The following DYNLT5 variants were observed in gnomAD, a reference collection of about 807,000 sequenced individuals.
DYNLT5 encodes dynein light chain Tctex-type family member 5.
DYNLT5 carries 25 observed loss-of-function variants against 19.3 expected under a neutral mutation model. The observed-to-expected ratio is 1.30, with a 90% CI of 0.95 to 1.81. DYNLT5 has a LOEUF of 1.81. DYNLT5 is among the 40% of genes most tolerant of loss of function. The pLI is 0.00. For synonymous variants in DYNLT5, 82 were observed against 68.9 expected (o/e 1.19, Z -0.94); for missense variants, 232 against 217.9 (o/e 1.06, Z -0.41).
At chr1:66,773,672 T>A (rs192581497) in intron 3 of DYNLT5, among the ~76,000 whole-genome samples, 5 of 152,308 alleles carry the variant, frequency 3.3e-5, no homozygotes, top group Non-Finnish European at 7.3e-5. Flanking sequence ...TAGTAATTAT[T>A]ATTATTACCC....
rs751356899 is a variant in DYNLT5, at chr1:66,777,339, T to C, written c.425T>C (p.Ile142Thr). 1 of 1,613,978 alleles carries C rather than the reference T, an allele frequency of 6.2e-7. No individual in the cohort carries two copies. Among genetic ancestry groups the C allele is most frequent in the Admixed American group, 1.7e-5 (1 of 60,010 alleles). The stretch of plus-strand genomic sequence containing the variant: ...ATTGGACAACTGAACAGGCAGAGCA[T>C]ACTTATTGGAAGCAGATGCCTCTGG... The part of the protein sequence containing the change: ...VHIGQLNRQS[I>T]LIGSRCLWDP... The change falls in exon 5 of 5, where the codon ATA becomes ACA. Residue 142 changes from isoleucine (I) to threonine (T), a missense_variant. Coordinates refer to ENST00000282670, the MANE Select transcript of DYNLT5 (RefSeq NM_152665.3).
intron 2 of DYNLT5, among the ~76,000 whole-genome samples, chr1:66,765,375 T>C (rs898098456): frequency 6.6e-6 from 1 of 152,192 alleles, no homozygotes; most frequent in Non-Finnish European, 1.5e-5. Context: ...TATTATCTCT[T>C]CCTGCAGCTT....
chr1:66,776,352 A>G lies in DYNLT5; in HGVS notation c.285A>G (p.Val95=), dbSNP rs1332225513. Residue 95 remains valine (V), a synonymous_variant, in exon 4 of 5, where the codon GTA becomes GTG. Coordinates refer to ENST00000282670, the MANE Select transcript of DYNLT5 (RefSeq NM_152665.3). Reference sequence around the variant, plus strand: ...ATGTAGTAACCAGCTATCTACAAGTAGAAGAATATGAACCAGAGCTCTGTA... The same window carrying G: ...ATGTAGTAACCAGCTATCTACAAGTGGAAGAATATGAACCAGAGCTCTGTA... The part of the protein sequence containing the change: ...LKDVVTSYLQ[V]EEYEPELCRQ... 5 of 1,613,518 alleles carry G rather than the reference A, an allele frequency of 3.1e-6. No homozygotes were observed. Among genetic ancestry groups the G allele is most frequent in the Admixed American group, 3.3e-5 (2 of 59,914 alleles).
In DYNLT5 at chr1:66,752,462, G is replaced by A. The variant is rs2150855200; in HGVS notation, c.-126G>A. 1 of 985,442 alleles carries A rather than the reference G, an allele frequency of 1.0e-6. No homozygotes were observed. The allele number at this position is 985,442 out of a possible 1,614,324, so 61.0% of individuals were successfully genotyped here. On this transcript the variant is annotated 5_prime_UTR_variant, in exon 1 of 5. Transcript: ENST00000282670. ...GGTCACCCTGGAGACCGGCCTCAGAGTCCAGGGAGAGTGCGCGGGCGGCCG... is the reference window on the plus strand; with the variant it reads ...GGTCACCCTGGAGACCGGCCTCAGAATCCAGGGAGAGTGCGCGGGCGGCCG...
At chr1:66,766,349 C>A (rs1572548111) in intron 2 of DYNLT5, among the ~76,000 whole-genome samples, 1 of 151,978 alleles carries the variant, frequency 6.6e-6, no homozygotes, top group Non-Finnish European at 1.5e-5. Flanking sequence ...GATATATACC[C>A]CAAAAATGTA....
intron 2 of DYNLT5, among the ~76,000 whole-genome samples, chr1:66,764,895 G>A (rs1025353469): frequency 6.6e-6 from 1 of 152,178 alleles, no homozygotes; most frequent in Admixed American, 6.5e-5. Flanking sequence ...GGACAAGTTG[G>A]TATGCTTTGC....
intron 2 of DYNLT5, among the ~76,000 whole-genome samples, chr1:66,770,174 T>C (rs189869190): frequency 1.3e-3 from 194 of 152,308 alleles, no homozygotes; most frequent in African/African-American, 4.0e-3. Flanking sequence ...AGCCATCACA[T>C]TGAGACCTGC....
At position 66,777,437 on chromosome 1, in the gene DYNLT5, G is replaced by A; in HGVS notation, c.523G>A (p.Ala175Thr). The change falls in exon 5 of 5, where the codon GCA (alanine) becomes ACA (threonine). Residue 175 changes from alanine (A) to threonine (T), a missense_variant. Coordinates refer to ENST00000282670, the MANE Select transcript of DYNLT5 (RefSeq NM_152665.3). ...SSLFALANVY[A>T]VYLE ...TCTCTTCGCTCTTGCAAATGTCTAT[G>A]CAGTTTACCTTGAGTGATTGAAAAT... The A allele has an allele frequency of 6.2e-7, 1 of 1,613,552 alleles. No homozygotes were observed. Among genetic ancestry groups the A allele is most frequent in the South Asian group, 1.1e-5 (1 of 91,048 alleles).
chr1:66,769,495 C>A (rs1452701688), intron 2 of DYNLT5, among the ~76,000 whole-genome samples: 4 of 151,700 alleles, frequency 2.6e-5, no homozygotes. Context: ...AAAAACATAG[C>A]CTGCTTAGAA....
intron 2 of DYNLT5, among the ~76,000 whole-genome samples, chr1:66,760,440 C>A (rs552894037): frequency 1.3e-5 from 2 of 152,252 alleles, no homozygotes; most frequent in Admixed American, 6.5e-5. Flanking sequence ...TGCTCACGAA[C>A]AAGTTAGGTT....
At chr1:66,768,365 T>A (rs1465781164) in intron 2 of DYNLT5, among the ~76,000 whole-genome samples, 1 of 152,220 alleles carries the variant, frequency 6.6e-6, no homozygotes, top group Non-Finnish European at 1.5e-5. Flanking sequence ...CTCTATGTTT[T>A]TCTGTATGTT....
intron 3 of DYNLT5, among the ~76,000 whole-genome samples, chr1:66,772,380 G>T (rs1222072312): frequency 1.3e-5 from 2 of 152,160 alleles, no homozygotes; most frequent in Admixed American, 1.3e-4. Context: ...AACTAATAGA[G>T]GAAGAACTAT....
At chr1:66,772,566 G>A (rs1263350974) in intron 3 of DYNLT5, among the ~76,000 whole-genome samples, 1 of 152,192 alleles carries the variant, frequency 6.6e-6, no homozygotes, top group Non-Finnish European at 1.5e-5. Context: ...TTGGTAAATA[G>A]TTTATCATAT....
chr1:66,776,058 A>T, intron 3 of DYNLT5: 1 of 427,592 alleles, frequency 2.3e-6, no homozygotes. Context: ...AGTATTGAAC[A>T]CACTTTTGAG....
At chr1:66,769,558 CAT>C (rs1162131789) in intron 2 of DYNLT5, among the ~76,000 whole-genome samples, 2 of 152,020 alleles carry the variant, frequency 1.3e-5, no homozygotes, top group Admixed American at 6.6e-5. Flanking sequence ...CACACACACA[CAT>C]GCTATTATAT....
chr1:66,758,519 T>G (rs1025161321), intron 2 of DYNLT5, among the ~76,000 whole-genome samples: 19 of 152,210 alleles, frequency 1.2e-4, no homozygotes, highest in African/African-American at 3.9e-4. Flanking sequence ...CAGAACTTTC[T>G]GTATGGATCC....
intron 2 of DYNLT5, among the ~76,000 whole-genome samples, chr1:66,769,862 C>T (rs1645193481): frequency 6.6e-6 from 1 of 151,986 alleles, no homozygotes; most frequent in Admixed American, 6.6e-5. Context: ...TTTCCTCTAC[C>T]ACGTAGATGA....
chr1:66,767,980 A>T (rs1156846403), intron 2 of DYNLT5, among the ~76,000 whole-genome samples: 1 of 152,244 alleles, frequency 6.6e-6, no homozygotes, highest in African/African-American at 2.4e-5. Context: ...GCACAGGAAT[A>T]TTCCTACAAA....
At chr1:66,753,064 C>T (rs2094629817) in intron 1 of DYNLT5, among the ~76,000 whole-genome samples, 1 of 152,184 alleles carries the variant, frequency 6.6e-6, no homozygotes, top group Non-Finnish European at 1.5e-5. Flanking sequence ...TTCGTACACA[C>T]GAACACAGAC....
Sources: gnomAD v4.1 joint callset for allele counts (sites outside exome capture counted in the v4.1 genomes callset) on GRCh38, gnomAD v4.1.1 for gene constraint, MANE v1.5 for transcripts, NCBI Gene and HGNC (gene_info 2026-07-23, HGNC 2026-07-21) for gene names.